FNDC3B: variants seen among roughly 807,000 people sequenced by gnomAD.
FNDC3B encodes the protein fibronectin type III domain containing 3B.
FNDC3B carries 12 observed loss-of-function variants against 151.5 expected under a neutral mutation model. The ratio of observed to expected loss-of-function variants is 0.08; its 90% CI spans 0.05 to 0.13. The LOEUF (loss-of-function observed/expected upper bound fraction) is 0.13. FNDC3B is among the 10% of genes least tolerant of loss of function. The pLI, the probability that FNDC3B is intolerant of heterozygous loss-of-function variation, is 1.00. For missense variants in FNDC3B, 1,214 were observed against 1,505.3 expected, an observed-to-expected ratio of 0.81 and a Z score of 3.20; for synonymous variants, 528 against 549.0, an observed-to-expected ratio of 0.96 and a Z score of 0.54.
intron 3 of FNDC3B, among the ~76,000 whole-genome samples, chr3:172,215,434 G>A (rs1477126542): frequency 6.6e-6 from 1 of 152,190 alleles, no homozygotes; most frequent in South Asian, 2.1e-4. Flanking sequence ...CCTGTTAAAA[G>A]ACTCGGAGGC....
chr3:172,294,908 T>C (rs1229411384), intron 7 of FNDC3B, among the ~76,000 whole-genome samples: 1 of 152,192 alleles, frequency 6.6e-6, no homozygotes. Context: ...TGGTTCCAGT[T>C]TTCCACCCAT....
Position 172,347,214 on chromosome 3 carries a change from T to G in FNDC3B, c.2367T>G (p.Ser789Arg). 1 of 1,612,414 alleles carries G rather than the reference T, an allele frequency of 6.2e-7. No individual in the cohort carries two copies. The highest frequency in any genetic ancestry group is 8.5e-7 in the Non-Finnish European group (1 of 1,179,104). The change falls in exon 21 of 26, where the codon AGT (serine) becomes AGG (arginine). Residue 789 changes from serine (S) to arginine (R), a missense_variant and splice_region_variant. Ser to Arg is a moderately radical substitution (Grantham distance 110, BLOSUM62 -1). This residue lies in a region of FNDC3B where 380 missense variants were observed against 420.9 expected (regional missense o/e 0.90). Coordinates refer to ENST00000415807, the MANE Select transcript of FNDC3B (RefSeq NM_022763.4). ...PDGCVLVGWE[S>R]PDSSGADISE... ...TACTTCCATTTCTGCCTTTCCAGAG[T>G]CCTGATAGTTCTGGTGCTGACATCT...
chr3:172,169,806 C>T lies in FNDC3B; in HGVS notation c.187+36260C>T, dbSNP rs113716498. On this transcript the variant is annotated intron_variant, in intron 3 of 25. Transcript: ENST00000415807. ...TTCCCCATTCCAAAAGCTGACTGTT[C>T]CTATTCCCATTTAAACGGCACTTTA... 6.6e-3 allele frequency among the ~76,000 whole-genome samples: 1,002 copies of T among 152,336 alleles called. 11 individuals carry two copies. Among genetic ancestry groups the T allele is most frequent in the African/African-American group, 0.023 (951 of 41,574 alleles).
chr3:172,238,040 G>A lies in FNDC3B; in HGVS notation c.265-9493G>A, dbSNP rs554014456. On this transcript the variant is annotated intron_variant, in intron 4 of 25. Transcript: ENST00000415807. ...ATCAAATATTATTTCATCACTATTA[G>A]CCATTTACAGATGTGAAGAGAAATG... Among the ~76,000 whole-genome samples the A allele has an allele frequency of 4.4e-4, 67 of 152,144 alleles. 1 individual carries two copies. The highest frequency in any genetic ancestry group is 8.5e-4 in the Admixed American group (13 of 15,274).
At chr3:172,143,312 A>G (rs1323007761) in intron 3 of FNDC3B, among the ~76,000 whole-genome samples, 1 of 152,144 alleles carries the variant, frequency 6.6e-6, no homozygotes, top group Non-Finnish European at 1.5e-5. Flanking sequence ...AAAGTCCAAT[A>G]TATGGATTAG....
intron 23 of FNDC3B, among the ~76,000 whole-genome samples, chr3:172,374,824 A>G (rs947631487): frequency 3.3e-5 from 5 of 152,224 alleles, no homozygotes; most frequent in African/African-American, 9.6e-5. Flanking sequence ...TTCATAGTCT[A>G]CAGAGCCAAT....
Position 172,378,424 on chromosome 3 carries a change from C to A in FNDC3B, c.3163C>A (p.Pro1055Thr). ...YTFSTTKSVP[P>T]TIKAPRVTQL... ...CTTCAGCACAACCAAAAGTGTCCCC[C>A]CCACCATCAAAGGTGTGTAGACTAT... Residue 1055 changes from proline (P) to threonine (T), a missense_variant, in exon 24 of 26, where the codon CCC (proline) becomes ACC (threonine). By Grantham distance (38) the Pro-to-Thr change is conservative. Around this residue, in one of 7 missense-constraint regions of FNDC3B, gnomAD observed 284 missense variants for 392.4 expected, o/e 0.72. Coordinates refer to ENST00000415807, the MANE Select transcript of FNDC3B (RefSeq NM_022763.4). 1 of 1,611,536 alleles carries A rather than the reference C, an allele frequency of 6.2e-7. No individual in the cohort carries two copies. The highest frequency in any genetic ancestry group is 8.5e-7 in the Non-Finnish European group (1 of 1,178,946).
chr3:172,130,839 G>A (rs1254537771), intron 2 of FNDC3B, among the ~76,000 whole-genome samples: 3 of 152,112 alleles, frequency 2.0e-5, no homozygotes, highest in Non-Finnish European at 4.4e-5. Flanking sequence ...TAGAGTCTTG[G>A]CATCCATTGG....
intron 1 of FNDC3B, among the ~76,000 whole-genome samples, chr3:172,084,006 A>G (rs560507135): frequency 6.6e-6 from 1 of 152,136 alleles, no homozygotes; most frequent in Non-Finnish European, 1.5e-5. Context: ...ATAGAGAGGT[A>G]TAAAAAAGTA....
chr3:172,225,200 G>T (rs1056327760), intron 3 of FNDC3B, among the ~76,000 whole-genome samples: 1 of 152,178 alleles, frequency 6.6e-6, no homozygotes, highest in Middle Eastern at 3.4e-3. Flanking sequence ...GGGAAGACAG[G>T]GTCTTGCTCT....
chr3:172,265,582 A>G (rs1462091573), intron 6 of FNDC3B, among the ~76,000 whole-genome samples: 2 of 152,198 alleles, frequency 1.3e-5, no homozygotes, highest in Non-Finnish European at 1.5e-5. Flanking sequence ...TTGAAAATAA[A>G]CCATCCCCAG....
chr3:172,274,975 G>C (rs772743869), intron 6 of FNDC3B, among the ~76,000 whole-genome samples: 4 of 152,046 alleles, frequency 2.6e-5, no homozygotes, highest in Non-Finnish European at 5.9e-5. Context: ...AGATTTTTTT[G>C]GTCATCCATT....
intron 1 of FNDC3B, among the ~76,000 whole-genome samples, chr3:172,065,117 A>G (rs1020785433): frequency 6.6e-6 from 1 of 152,164 alleles, no homozygotes; most frequent in Non-Finnish European, 1.5e-5. Flanking sequence ...ACGGATCATG[A>G]GGTCAGGAGT....
intron 6 of FNDC3B, among the ~76,000 whole-genome samples, chr3:172,282,044 T>C (rs904090751): frequency 6.6e-6 from 1 of 152,164 alleles, no homozygotes; most frequent in Non-Finnish European, 1.5e-5. Context: ...CGAGGCACGC[T>C]TAGATCATGC....
chr3:172,241,638 T>C (rs971378717), intron 4 of FNDC3B, among the ~76,000 whole-genome samples: 1 of 151,924 alleles, frequency 6.6e-6, no homozygotes, highest in African/African-American at 2.4e-5. Context: ...TTATTCACTA[T>C]CATGAGAACA....
chr3:172,154,687 A>G (rs1722396064), intron 3 of FNDC3B, among the ~76,000 whole-genome samples: 1 of 152,086 alleles, frequency 6.6e-6, no homozygotes, highest in South Asian at 2.1e-4. Flanking sequence ...ACTCCCGCAT[A>G]CTTAATTGAG....
chr3:172,155,231 T>C (rs1314031166), intron 3 of FNDC3B, among the ~76,000 whole-genome samples: 14 of 152,228 alleles, frequency 9.2e-5, no homozygotes, highest in Admixed American at 9.2e-4. Context: ...CTCAGTTTTC[T>C]TTGTTTAAGC....
chr3:172,051,591 A>G (rs970101641), intron 1 of FNDC3B, among the ~76,000 whole-genome samples: 1 of 152,124 alleles, frequency 6.6e-6, no homozygotes, highest in African/African-American at 2.4e-5. Flanking sequence ...AAAGACTACA[A>G]ATTGGGTTCA....
At chr3:172,354,096 TAATG>T (rs1733978217) in intron 22 of FNDC3B, among the ~76,000 whole-genome samples, 1 of 152,146 alleles carries the variant, frequency 6.6e-6, no homozygotes, top group African/African-American at 2.4e-5. Flanking sequence ...TTTTTCAAAA[TAATG>T]AATAGGCTAC....
Sources: allele counts gnomAD v4.1 joint callset (sites outside exome capture counted in the v4.1 genomes callset), GRCh38; gene constraint gnomAD v4.1.1; regional missense constraint gnomAD v4.1.1; transcripts MANE v1.5; gene names NCBI Gene and HGNC (gene_info 2026-07-23, HGNC 2026-07-21).